Variants in ABCF3 observed in about 807,000 individuals in gnomAD.
ABCF3 encodes the protein ATP-binding cassette sub-family F member 3.
A neutral mutation model predicts 94.3 loss-of-function variants in ABCF3; 62 were observed. The ratio of observed to expected loss-of-function variants is 0.66; its 90% CI spans 0.54 to 0.81. ABCF3 has a LOEUF of 0.81. Among genes scored for constraint, ABCF3 ranks in the 40% least tolerant of loss-of-function variants. ABCF3 has a pLI of 0.00. For missense variants in ABCF3, 843 were observed against 925.3 expected (o/e 0.91, Z 1.15); for synonymous variants, 355 against 361.1 (o/e 0.98, Z 0.19).
rs556335509 is a variant in ABCF3 at position 184,193,302 on chromosome 3, A to G, written c.1884-63A>G. The G allele has an allele frequency of 7.2e-5, 116 of 1,612,030 alleles. No individual in the cohort carries two copies. In the African/African-American group the frequency reaches 1.3e-3, roughly 19 times the overall value. Reference sequence around the variant, plus strand: ...TTCTTGCCCAGTAGAAAACTGTATCAGAAGGCTTTATTTTCTCTCACCGCA... The same window carrying G: ...TTCTTGCCCAGTAGAAAACTGTATCGGAAGGCTTTATTTTCTCTCACCGCA... On this transcript the variant is annotated intron_variant, in intron 19 of 20. Transcript: ENST00000429586. This position sits in a 1 kb window ranked among gnomAD's most constrained non-coding sequence, Gnocchi z 5.2.
Position 184,193,554 on chromosome 3 carries a change from G to C in ABCF3, c.1986G>C (p.Leu662=), listed in dbSNP as rs775064917. Residue 662 remains leucine (L), a synonymous_variant, in exon 21 of 21, where the codon CTG becomes CTC. Coordinates refer to ENST00000429586, the MANE Select transcript of ABCF3 (RefSeq NM_018358.3). The surrounding 1 kb of genome is among the most constrained non-coding windows in gnomAD (Gnocchi z 5.2). The part of the protein sequence containing the change: ...ALNNFRGGVI[L]VSHDERFIRL... ...CTGTCTTTCAGGGTGGTGTGATTCT[G>C]GTGTCCCACGATGAGCGCTTTATCA... is the stretch of plus-strand genomic sequence containing the variant. 2.5e-6 allele frequency: 4 copies of C among 1,614,030 alleles called. No homozygotes were observed. In the East Asian group the frequency reaches 8.9e-5, roughly 36 times the overall value.
chr3:184,191,514 C>T (rs564395827), intron 16 of ABCF3, among the ~76,000 whole-genome samples: 1 of 152,232 alleles, frequency 6.6e-6, no homozygotes, highest in Non-Finnish European at 1.5e-5. Context: ...TTATTGGTCT[C>T]GGTTCTGAGT....
rs1315039036 is a variant in ABCF3 at position 184,188,803 on chromosome 3, C to T, written c.879C>T (p.Ala293=). 3.7e-6 allele frequency: 6 copies of T among 1,613,932 alleles called. No homozygotes were observed. The highest frequency in any genetic ancestry group is 5.1e-6 in the Non-Finnish European group (6 of 1,179,876). Residue 293 remains alanine, a synonymous_variant, in exon 8 of 21, where the codon GCC becomes GCT. Coordinates refer to ENST00000429586, the MANE Select transcript of ABCF3 (RefSeq NM_018358.3). ...SEAAELAEIY[A]KLEEIEADKA... is the part of the protein sequence containing the mutation. ...CTGCAGAGCTGGCAGAAATCTATGC[C>T]AAACTGGAGGAGATTGAGGCTGACA...
chr3:184,189,731 C>T lies in ABCF3; in HGVS notation c.1288C>T (p.Gln430Ter), dbSNP rs1282919493. 2 of 1,613,882 alleles carry T rather than the reference C, an allele frequency of 1.2e-6. No individual in the cohort carries two copies. The highest frequency in any genetic ancestry group is 2.7e-5 in the African/African-American group (2 of 74,930). Reference sequence around the variant, plus strand: ...CAACCAGCAGCGTGAATATGAGGCGCAGCAGCAGTATCGCCAGCACATCCA... The same window carrying T: ...CAACCAGCAGCGTGAATATGAGGCGTAGCAGCAGTATCGCCAGCACATCCA... ...LLNQQREYEA[Q>*]QQYRQHIQVF... Residue 430 changes from glutamine to a stop codon, truncating the protein, a stop_gained, in exon 13 of 21, where the codon CAG becomes TAG. Coordinates refer to ENST00000429586, the MANE Select transcript of ABCF3 (RefSeq NM_018358.3). LOFTEE classifies it high-confidence loss of function.
At chr3:184,187,365 G>A (rs1293010694) in intron 3 of ABCF3, 32 bp from the exon 4 acceptor site, 2 of 1,613,652 alleles carry the variant, frequency 1.2e-6, no homozygotes, top group Non-Finnish European at 1.7e-6. Context: ...TTCCCTCAGG[G>A]AGAAGGTGAC....
Position 184,188,368 on chromosome 3 carries a change from G to T in ABCF3, c.797G>T (p.Arg266Leu). 3 of 1,612,750 alleles carry T rather than the reference G, an allele frequency of 1.9e-6. No individual in the cohort carries two copies. The highest frequency in any genetic ancestry group is 2.5e-6 in the Non-Finnish European group (3 of 1,179,496). Residue 266 changes from arginine to leucine, a missense_variant, in exon 7 of 21, where the codon CGG (arginine) becomes CTG (leucine). Coordinates refer to ENST00000429586, the MANE Select transcript of ABCF3 (RefSeq NM_018358.3). Reference protein sequence around the residue: ...ESDSVREDLLRRERELTAQIA... With the variant: ...ESDSVREDLLLRERELTAQIA... ...GACAGTGTGCGAGAGGATTTGCTAC[G>T]GAGGGAGCGGGAGCTCACTGCCCAG...
rs750507451 is a variant in ABCF3 at position 184,192,690 on chromosome 3, G to T, written c.1658+1G>T. 1.3e-5 allele frequency: 21 copies of T among 1,610,926 alleles called. No homozygotes were observed. Among genetic ancestry groups the T allele is most frequent in the Non-Finnish European group, 1.7e-5 (20 of 1,178,802 alleles). On this transcript the variant is annotated splice_donor_variant, in intron 17 of 20. Coordinates refer to ENST00000429586, the MANE Select transcript of ABCF3 (RefSeq NM_018358.3). LOFTEE classifies it high-confidence loss of function. ...TTCGGGGCATCAGACACGCTCACAG[G>T]TCAGGCCCACCCGCACCCCTGCCCC...
rs11539877 is a variant in ABCF3, at chr3:184,186,547, T to G, written c.114T>G (p.Asp38Glu). Residue 38 changes from aspartate (D) to glutamate (E), a missense_variant, in exon 2 of 21, where the codon GAT (aspartate) becomes GAG (glutamate). By Grantham distance (45) the Asp-to-Glu change is conservative. Transcript: ENST00000429586. ...HSGSADFESV[D>E]DLVEAVGELL... Reference sequence around the variant, plus strand: ...GCAGCGCGGACTTCGAGTCTGTGGATGACCTGGTGGAAGCTGTAGGGGAAC... The same window carrying G: ...GCAGCGCGGACTTCGAGTCTGTGGAGGACCTGGTGGAAGCTGTAGGGGAAC... The G allele has an allele frequency of 1.9e-6, 3 of 1,613,690 alleles. No individual in the cohort carries two copies. The highest frequency in any genetic ancestry group is 2.7e-5 in the African/African-American group (2 of 74,908).
chr3:184,193,218 C>T lies in ABCF3; in HGVS notation c.1867C>T (p.Gln623Ter). ...CCAGAAGAGCCGAGTGGCCTTTGCTCAGATGACTATGCCCTGGTGAGGCCT... is the reference window on the plus strand; with the variant it reads ...CCAGAAGAGCCGAGTGGCCTTTGCTTAGATGACTATGCCCTGGTGAGGCCT... Reference protein sequence around the residue: ...GGQKSRVAFAQMTMPCPNFYI... With the variant: ...GGQKSRVAFA The change falls in exon 19 of 21, where the codon CAG (glutamine) becomes TAG (stop). Residue 623 changes from glutamine (Q) to a stop codon, truncating the protein, a stop_gained. Coordinates refer to ENST00000429586, the MANE Select transcript of ABCF3 (RefSeq NM_018358.3). LOFTEE classifies it high-confidence loss of function. The surrounding 1 kb of genome is among the most constrained non-coding windows in gnomAD (Gnocchi z 5.2). 1 of 1,565,164 alleles carries T rather than the reference C, an allele frequency of 6.4e-7. No homozygotes were observed. Among genetic ancestry groups the T allele is most frequent in the Non-Finnish European group, 8.6e-7 (1 of 1,156,452 alleles).
rs111238120 is a variant in ABCF3 at position 184,187,458 on chromosome 3, G to T, written c.348+15G>T. On this transcript the variant is annotated intron_variant, in intron 4 of 20. Transcript: ENST00000429586. ...AACAGTCCTCGGTGAGGAGGAGGAA[G>T]CAAGGGAGGGGACTGTCTGTGATGG... is the stretch of plus-strand genomic sequence containing the variant. 4 of 1,611,604 alleles carry T rather than the reference G, an allele frequency of 2.5e-6. No individual in the cohort carries two copies. Among genetic ancestry groups the T allele is most frequent in the Non-Finnish European group, 3.4e-6 (4 of 1,178,974 alleles).
chr3:184,187,370 G>C, intron 3 of ABCF3, 27 bp from the exon 4 acceptor site: 1 of 1,613,806 alleles, frequency 6.2e-7, no homozygotes, highest in Admixed American at 1.7e-5. Flanking sequence ...TCAGGGAGAA[G>C]GTGACTGCTT....
At position 184,193,136 on chromosome 3, in the gene ABCF3, TC is replaced by T; in HGVS notation, c.1786del (p.Arg596GlyfsTer29). The T allele has an allele frequency of 6.4e-7, 1 of 1,554,506 alleles. No homozygotes were observed. The highest frequency in any genetic ancestry group is 8.7e-7 in the Non-Finnish European group (1 of 1,151,862). ...PEEEYRHQLG[R>X]YGISGELAMR... Reference sequence around the variant, plus strand: ...AGGAGGAGTACCGTCACCAGCTGGGTCGGTATGGCATCTCCGGAGAACTGGC... The same window carrying T: ...AGGAGGAGTACCGTCACCAGCTGGGTGGTATGGCATCTCCGGAGAACTGGC... On this transcript the variant is annotated frameshift_variant, in exon 19 of 21. Coordinates refer to ENST00000429586, the MANE Select transcript of ABCF3 (RefSeq NM_018358.3). LOFTEE classifies it high-confidence loss of function. The surrounding 1 kb of genome is among the most constrained non-coding windows in gnomAD (Gnocchi z 5.2).
intron 16 of ABCF3, among the ~76,000 whole-genome samples, chr3:184,191,575 T>G (rs1235793633): frequency 6.6e-6 from 1 of 152,142 alleles, no homozygotes; most frequent in Non-Finnish European, 1.5e-5. Flanking sequence ...AGGGTCAGAC[T>G]TCGGATCTTG....
In ABCF3 at chr3:184,187,989, G is replaced by A. The variant is rs756776401; in HGVS notation, c.569+6G>A. The A allele has an allele frequency of 1.2e-6, 2 of 1,613,922 alleles. No homozygotes were observed. The highest frequency in any genetic ancestry group is 1.3e-5 in the African/African-American group (1 of 75,052). On this transcript the variant is annotated splice_donor_region_variant and intron_variant, in intron 6 of 20. Coordinates refer to ENST00000429586, the MANE Select transcript of ABCF3 (RefSeq NM_018358.3). ...GATGTGTCTTTTGGCGATAGGTGAG[G>A]GAATAGTGGTGGCAGGGGTTGGCTT...
intron 2 of ABCF3, 52 bp downstream of exon 2, chr3:184,186,706 C>G (rs1200520272): frequency 6.3e-7 from 1 of 1,591,480 alleles, no homozygotes; most frequent in Admixed American, 1.7e-5. Context: ...GCGAACGGTC[C>G]GGAGACAAGA....
chr3:184,193,559 C>G lies in ABCF3; in HGVS notation c.1991C>G (p.Ser664Cys), dbSNP rs972896708. 11 of 1,614,156 alleles carry G rather than the reference C, an allele frequency of 6.8e-6. No individual in the cohort carries two copies. Among genetic ancestry groups the G allele is most frequent in the Non-Finnish European group, 9.3e-6 (11 of 1,180,012 alleles). The change falls in exon 21 of 21, where the codon TCC (serine) becomes TGC (cysteine). Residue 664 changes from serine (S) to cysteine (C), a missense_variant. By Grantham distance (112) the Ser-to-Cys change is moderately radical. Coordinates refer to ENST00000429586, the MANE Select transcript of ABCF3 (RefSeq NM_018358.3). The surrounding 1 kb of genome is among the most constrained non-coding windows in gnomAD (Gnocchi z 5.2). Reference protein sequence around the residue: ...NNFRGGVILVSHDERFIRLVC... With the variant: ...NNFRGGVILVCHDERFIRLVC... ...TTTCAGGGTGGTGTGATTCTGGTGT[C>G]CCACGATGAGCGCTTTATCAGGCTG...
chr3:184,186,868 G>T lies in ABCF3; in HGVS notation c.294G>T (p.Glu98Asp). The stretch of plus-strand genomic sequence containing the variant: ...CTATCCAGTTGTCAAAGATAACGGA[G>T]AACTACGGTGAGAGTGAGGGGAGGT... ...DAPIQLSKITENYDCGTKLPG... is the reference protein window; with the variant it reads ...DAPIQLSKITDNYDCGTKLPG... The change falls in exon 3 of 21, where the codon GAG becomes GAT. Residue 98 changes from glutamate (E) to aspartate (D), a missense_variant. Physicochemically the swap from Glu to Asp is conservative, Grantham distance 45. Coordinates refer to ENST00000429586, the MANE Select transcript of ABCF3 (RefSeq NM_018358.3). 6.2e-7 allele frequency: 1 copy of T among 1,613,614 alleles called. No individual in the cohort carries two copies. Among genetic ancestry groups the T allele is most frequent in the Non-Finnish European group, 8.5e-7 (1 of 1,179,832 alleles).
Position 184,188,915 on chromosome 3 carries a change from T to G in ABCF3, c.918-14T>G, listed in dbSNP as rs1256026768. 3 of 1,614,126 alleles carry G rather than the reference T, an allele frequency of 1.9e-6. No individual in the cohort carries two copies. Among genetic ancestry groups the G allele is most frequent in the East Asian group, 2.2e-5 (1 of 44,896 alleles). On this transcript the variant is annotated splice_polypyrimidine_tract_variant and intron_variant, in intron 8 of 20. Coordinates refer to ENST00000429586, the MANE Select transcript of ABCF3 (RefSeq NM_018358.3). ...GACTGTTCCAACTGAGTTCTTCGAT[T>G]TCTTCTCTACTAGGGCATCAGTCAT...
rs1715768812 is a variant in ABCF3 at position 184,188,216 on chromosome 3, G to A, written c.645G>A (p.Gly215=). The A allele has an allele frequency of 6.2e-7, 1 of 1,614,120 alleles. No individual in the cohort carries two copies. The highest frequency in any genetic ancestry group is 2.2e-5 in the East Asian group (1 of 44,882). Residue 215 remains glycine, a synonymous_variant, in exon 7 of 21, where the codon GGG becomes GGA. Coordinates refer to ENST00000429586, the MANE Select transcript of ABCF3 (RefSeq NM_018358.3). The part of the protein sequence containing the change: ...RYGLVGRNGL[G]KTTLLKMLAT... ...GGCTGGTGGGGCGGAATGGGTTGGG[G>A]AAGACAACGTTACTGAAGATGCTGG...
Sources: gnomAD v4.1 joint callset for allele counts (sites outside exome capture counted in the v4.1 genomes callset) on GRCh38, gnomAD v4.1.1 for gene constraint, Gnocchi (gnomAD v3.1) non-coding constraint, MANE v1.5 for transcripts, NCBI Gene and HGNC (gene_info 2026-07-23, HGNC 2026-07-21) for gene names.